The following POLR2L variants were observed in gnomAD, a reference collection of about 807,000 sequenced individuals.
POLR2L encodes the protein RNA polymerase II, I and III subunit L.
Under a neutral mutation model 6.8 loss-of-function variants are expected in POLR2L, and 7 were observed. The observed-to-expected ratio is 1.03, with a 90% CI of 0.59 to 1.94. The LOEUF (loss-of-function observed/expected upper bound fraction) is 1.94. POLR2L is among the 30% of genes most tolerant of loss of function. POLR2L has a pLI of 0.00. For missense variants in POLR2L, 93 were observed against 86.7 expected (o/e 1.07, Z -0.29); for synonymous variants, 59 against 39.8 (o/e 1.48, Z -1.82).
rs1846925788 is a variant in POLR2L at position 840,284 on chromosome 11, C to T, written c.*88G>A. 2.5e-6 allele frequency: 2 copies of T among 802,218 alleles called. No homozygotes were observed. Among genetic ancestry groups the T allele is most frequent in the African/African-American group, 1.7e-5 (1 of 58,550 alleles). 49.7% of individuals were successfully genotyped at this position (802,218 alleles called of 1,614,324 possible). Reference sequence around the variant, plus strand: ...CACACACTGCGGCCAGGCATTACGCCAGCTCCCGGATGCCTCAGCCTCGTG... The same window carrying T: ...CACACACTGCGGCCAGGCATTACGCTAGCTCCCGGATGCCTCAGCCTCGTG... On this transcript the variant is annotated 3_prime_UTR_variant, in exon 2 of 2. Transcript: ENST00000322028.
Position 839,865 on chromosome 11 carries a change from A to C in POLR2L, c.*507T>G, listed in dbSNP as rs1846916049. The C allele has an allele frequency of 6.5e-6, 1 of 152,710 alleles. No homozygotes were observed. Among genetic ancestry groups the C allele is most frequent in the Non-Finnish European group, 1.5e-5 (1 of 68,426 alleles). 9.5% of individuals were successfully genotyped at this position (152,710 alleles called of 1,614,324 possible). ...CATTATGATGCCCAGGCGGGTCTTG[A>C]ATTTCTGGACTCAAGTGATCCTCCT... On this transcript the variant is annotated 3_prime_UTR_variant, in exon 2 of 2. Transcript: ENST00000322028.
At chr11:840,584 C>A (rs540048183) in intron 1 of POLR2L, 104 bp from the exon 2 acceptor site, 31 of 727,698 alleles carry the variant, frequency 4.3e-5, no homozygotes, top group South Asian at 1.1e-4. Flanking sequence ...CCTCACCCCC[C>A]CCGCCACCGG....
At position 842,484 on chromosome 11, in the gene POLR2L, T is replaced by C. The variant is rs996054394; in HGVS notation, c.25A>G (p.Thr9Ala). ...TTGTTGCCGACGATCTTGCCACAAG[T>C]GAAGCAGCGTACAGGGATGATCATG... MIIPVRCF[T>A]CGKIVGNKWE... Residue 9 changes from threonine (T) to alanine (A), a missense_variant, in exon 1 of 2, where the codon ACT (threonine) becomes GCT (alanine). By Grantham distance (58) the Thr-to-Ala change is moderately conservative. Transcript: ENST00000322028. The C allele has an allele frequency of 6.3e-7, 1 of 1,595,562 alleles. No homozygotes were observed. The highest frequency in any genetic ancestry group is 8.5e-7 in the Non-Finnish European group (1 of 1,172,750).
rs1404597808 is a variant in POLR2L, at chr11:840,449, A to C, written c.127T>G (p.Tyr43Asp). The C allele has an allele frequency of 2.5e-6, 4 of 1,611,932 alleles. No individual in the cohort carries two copies. The highest frequency in any genetic ancestry group is 1.3e-5 in the African/African-American group (1 of 75,022). The change falls in exon 2 of 2, where the codon TAC (tyrosine) becomes GAC (aspartate). Residue 43 changes from tyrosine to aspartate, a missense_variant. Physicochemically the swap from Tyr to Asp is radical, Grantham distance 160 (BLOSUM62 -3). Transcript: ENST00000322028. ...GCCAGCAGCATCCGGCGGCAGCAGT[A>C]GCGCTTCAGGCCCAGGGCATCCAGC... ...DALDALGLKR[Y>D]CCRRMLLAHV...
At chr11:841,968 G>C (rs1846981996) in intron 1 of POLR2L, among the ~76,000 whole-genome samples, 1 of 152,150 alleles carries the variant, frequency 6.6e-6, no homozygotes, top group African/African-American at 2.4e-5. Flanking sequence ...GGCTGGTCTC[G>C]ACCTCCTGGG....
At chr11:841,067 T>G in intron 1 of POLR2L, among the ~76,000 whole-genome samples, 1 of 152,020 alleles carries the variant, frequency 6.6e-6, no homozygotes, top group Non-Finnish European at 1.5e-5. Context: ...TCCAGAAAAC[T>G]CCCACACCGA....
In POLR2L at chr11:840,910, C is replaced by T. The variant is rs575679523; in HGVS notation, c.96-430G>A. Among the ~76,000 whole-genome samples the T allele has an allele frequency of 2.0e-5, 3 of 152,286 alleles. No homozygotes were observed. The South Asian group carries it at 6.2e-4, about 32-fold the overall frequency. On this transcript the variant is annotated intron_variant, in intron 1 of 1. Coordinates refer to ENST00000322028, the MANE Select transcript of POLR2L (RefSeq NM_021128.5). Reference sequence around the variant, plus strand: ...CACCCCCACCCCAGCCAGAGCAAGCCCTGCTCTGCCGCTGTGGGGTCTTTC... The same window carrying T: ...CACCCCCACCCCAGCCAGAGCAAGCTCTGCTCTGCCGCTGTGGGGTCTTTC...
At position 842,521 on chromosome 11, in the gene POLR2L, T is replaced by C. The variant is rs781309320; in HGVS notation, c.-13A>G. 1.0e-5 allele frequency: 16 copies of C among 1,560,170 alleles called. No individual in the cohort carries two copies. The highest frequency in any genetic ancestry group is 1.2e-5 in the Non-Finnish European group (14 of 1,156,180). Reference sequence around the variant, plus strand: ...CAGGGATGATCATGGCGGCGGCGCGTCCCAGACTGCCCGGCCCGGCCCGGC... The same window carrying C: ...CAGGGATGATCATGGCGGCGGCGCGCCCCAGACTGCCCGGCCCGGCCCGGC... On this transcript the variant is annotated 5_prime_UTR_variant, in exon 1 of 2. Coordinates refer to ENST00000322028, the MANE Select transcript of POLR2L (RefSeq NM_021128.5).
chr11:840,999 C>G (rs895187823), intron 1 of POLR2L, among the ~76,000 whole-genome samples: 1 of 152,332 alleles, frequency 6.6e-6, no homozygotes, highest in African/African-American at 2.4e-5. Flanking sequence ...CTCCCACTTC[C>G]CAAGCCAATT....
intron 1 of POLR2L, 114 bp from the exon 2 acceptor site, chr11:840,594 G>T: frequency 1.4e-6 from 1 of 695,252 alleles, no homozygotes; most frequent in East Asian, 2.8e-5. Context: ...CCCGCCACCG[G>T]CAAGGCGAAC....
intron 1 of POLR2L, among the ~76,000 whole-genome samples, chr11:841,904 A>G (rs1846979271): frequency 6.6e-6 from 1 of 152,196 alleles, no homozygotes; most frequent in South Asian, 2.1e-4. Context: ...GTCTCAAAAA[A>G]GAAAAATAAA....
chr11:841,449 C>T (rs569300510), intron 1 of POLR2L, among the ~76,000 whole-genome samples: 10 of 152,042 alleles, frequency 6.6e-5, no homozygotes, highest in Non-Finnish European at 1.3e-4. Flanking sequence ...TGTGTGTGTG[C>T]GTGAGACGGA....
In POLR2L at chr11:842,528, C is replaced by T; in HGVS notation, c.-20G>A. 6.4e-7 allele frequency: 1 copy of T among 1,562,152 alleles called. No individual in the cohort carries two copies. The highest frequency in any genetic ancestry group is 8.7e-7 in the Non-Finnish European group (1 of 1,155,396). On this transcript the variant is annotated 5_prime_UTR_variant, in exon 1 of 2. Coordinates refer to ENST00000322028, the MANE Select transcript of POLR2L (RefSeq NM_021128.5). ...GATCATGGCGGCGGCGCGTCCCAGA[C>T]TGCCCGGCCCGGCCCGGCCGCACGC...
rs1359666771 is a variant in POLR2L, at chr11:842,413, C to T, written c.95+1G>A. ...GCCCCTAGCCCCGGCCCGCGCCTCA[C>T]CCCTCGGTGTACTCGGCCTGCAGCA... On this transcript the variant is annotated splice_donor_variant, in intron 1 of 1. Transcript: ENST00000322028. LOFTEE classifies it high-confidence loss of function. 1.3e-6 allele frequency: 2 copies of T among 1,583,560 alleles called. No homozygotes were observed. The highest frequency in any genetic ancestry group is 1.7e-6 in the Non-Finnish European group (2 of 1,167,504).
chr11:842,127 G>A (rs1337760370), intron 1 of POLR2L, among the ~76,000 whole-genome samples: 2 of 152,208 alleles, frequency 1.3e-5, no homozygotes, highest in Admixed American at 1.3e-4. Flanking sequence ...GGGCTTTACT[G>A]CGGGTGACAA....
Position 840,387 on chromosome 11 carries a change from T to C in POLR2L, c.189A>G (p.Ala63=), listed in dbSNP as rs1846929260. Residue 63 remains alanine, a synonymous_variant, in exon 2 of 2, where the codon GCA becomes GCG. Transcript: ENST00000322028. ...TCCAGCGTGGTCACTTCTCCAGGGG[T>C]GCATAATTGAGCAGCTTCTCGATCA... The part of the protein sequence containing the change: ...VDLIEKLLNY[A]PLEK 6.2e-6 allele frequency: 10 copies of C among 1,607,158 alleles called. No homozygotes were observed. The highest frequency in any genetic ancestry group is 8.5e-6 in the Non-Finnish European group (10 of 1,175,836).
In POLR2L at chr11:840,286, G is replaced by C; in HGVS notation, c.*86C>G. The C allele has an allele frequency of 1.2e-6, 1 of 810,758 alleles. No individual in the cohort carries two copies. The highest frequency in any genetic ancestry group is 2.1e-6 in the Non-Finnish European group (1 of 484,730). 50.2% of individuals were successfully genotyped at this position (810,758 alleles called of 1,614,324 possible). On this transcript the variant is annotated 3_prime_UTR_variant, in exon 2 of 2. Coordinates refer to ENST00000322028, the MANE Select transcript of POLR2L (RefSeq NM_021128.5). ...CACACTGCGGCCAGGCATTACGCCA[G>C]CTCCCGGATGCCTCAGCCTCGTGAA...
At position 842,437 on chromosome 11, in the gene POLR2L, C is replaced by T. The variant is rs750875146; in HGVS notation, c.72G>A (p.Leu24=). 7.5e-6 allele frequency: 12 copies of T among 1,594,466 alleles called. No homozygotes were observed. In the East Asian group the frequency reaches 2.8e-4, roughly 38 times the overall value. Residue 24 remains leucine, a synonymous_variant, in exon 1 of 2, where the codon CTG becomes CTA. Transcript: ENST00000322028. ...VGNKWEAYLG[L]LQAEYTEGDA... The stretch of plus-strand genomic sequence containing the variant: ...ACCCCTCGGTGTACTCGGCCTGCAG[C>T]AGCCCCAGGTAAGCCTCCCACTTGT...
At chr11:841,797 G>A (rs539284604) in intron 1 of POLR2L, among the ~76,000 whole-genome samples, 1 of 152,248 alleles carries the variant, frequency 6.6e-6, no homozygotes, top group African/African-American at 2.4e-5. Flanking sequence ...TACTCGGGAG[G>A]CTGAGACAGG....
Sources: allele counts gnomAD v4.1 joint callset (sites outside exome capture counted in the v4.1 genomes callset), GRCh38; gene constraint gnomAD v4.1.1; transcripts MANE v1.5; gene names NCBI Gene and HGNC (gene_info 2026-07-23, HGNC 2026-07-21).